The following UCK2 variants were observed in gnomAD, a reference collection of about 807,000 sequenced individuals.
UCK2 encodes the protein cytidine monophosphokinase 2.
A neutral mutation model predicts 30.8 loss-of-function variants in UCK2; 6 were observed. The observed-to-expected ratio is 0.19, with a 90% CI of 0.11 to 0.38. UCK2 has a LOEUF of 0.38. Ranked by LOEUF, UCK2 falls within the 10% of genes least tolerant of loss-of-function variation. UCK2 has a pLI of 1.00. For missense variants in UCK2, 210 were observed against 339.8 expected, an observed-to-expected ratio of 0.62 and a Z score of 3.00; for synonymous variants, 125 against 133.6, an observed-to-expected ratio of 0.94 and a Z score of 0.45.
At chr1:165,828,024 A>G (rs1289373904) in intron 1 of UCK2, 92 bp downstream of exon 1, 1 of 1,023,498 alleles carries the variant, frequency 9.8e-7, no homozygotes, top group East Asian at 3.9e-5. Context: ...CAGTTGCGGC[A>G]GCCACCGCGT....
At chr1:165,904,549 C>A (rs77919696) in intron 5 of UCK2, among the ~76,000 whole-genome samples, 2 of 152,224 alleles carry the variant, frequency 1.3e-5, no homozygotes, top group Admixed American at 1.3e-4. Context: ...CAGTTTTCTA[C>A]GTTTAACTTA....
intron 1 of UCK2, among the ~76,000 whole-genome samples, chr1:165,840,673 T>C (rs1219269557): frequency 6.6e-6 from 1 of 152,206 alleles, no homozygotes; most frequent in Non-Finnish European, 1.5e-5. Context: ...AGTCAGATAT[T>C]GGGCACCCTC....
chr1:165,900,521 A>G (rs1026261592), intron 4 of UCK2: 1 of 152,246 alleles, frequency 6.6e-6, no homozygotes, highest in African/African-American at 2.4e-5. Flanking sequence ...AACAAGAAGC[A>G]GCTTTTGGGC....
At chr1:165,829,509 C>A (rs534872037) in intron 1 of UCK2, among the ~76,000 whole-genome samples, 3 of 152,208 alleles carry the variant, frequency 2.0e-5, no homozygotes, top group African/African-American at 4.8e-5. Flanking sequence ...GAAGTCCAGT[C>A]CTCCTAAAGT....
chr1:165,838,698 G>T (rs1654255285), intron 1 of UCK2, among the ~76,000 whole-genome samples: 1 of 151,850 alleles, frequency 6.6e-6, no homozygotes, highest in Non-Finnish European at 1.5e-5. Context: ...CAGTCACTGA[G>T]CTTGGTCTTG....
At chr1:165,851,653 TA>T (rs1654598986) in intron 1 of UCK2, among the ~76,000 whole-genome samples, 1 of 152,092 alleles carries the variant, frequency 6.6e-6, no homozygotes, top group Admixed American at 6.5e-5. Flanking sequence ...AAAAATGGGA[TA>T]CATGTGCAGA....
At chr1:165,857,704 C>T (rs1654783803) in intron 1 of UCK2, among the ~76,000 whole-genome samples, 1 of 152,224 alleles carries the variant, frequency 6.6e-6, no homozygotes, top group African/African-American at 2.4e-5. Flanking sequence ...TGAGGCTTGA[C>T]AGCCCTGTGT....
chr1:165,836,377 A>G (rs1272226574), intron 1 of UCK2, among the ~76,000 whole-genome samples: 1 of 152,230 alleles, frequency 6.6e-6, no homozygotes, highest in Non-Finnish European at 1.5e-5. Context: ...AAGATTTTTC[A>G]TTTGTATAGA....
chr1:165,887,576 G>A (rs1035020845), intron 1 of UCK2, among the ~76,000 whole-genome samples: 2 of 151,908 alleles, frequency 1.3e-5, no homozygotes, highest in African/African-American at 4.8e-5. Context: ...ATTTGGCTTC[G>A]TGAATCACTT....
chr1:165,875,627 T>C (rs1471256916), intron 1 of UCK2, among the ~76,000 whole-genome samples: 1 of 152,180 alleles, frequency 6.6e-6, no homozygotes. Context: ...AAGTCGAGGT[T>C]CCCATAACCC....
In UCK2 at chr1:165,903,188, G is replaced by C; in HGVS notation, c.506G>C (p.Arg169Thr). 6.2e-7 allele frequency: 1 copy of C among 1,613,704 alleles called. No homozygotes were observed. Among genetic ancestry groups the C allele is most frequent in the Non-Finnish European group, 8.5e-7 (1 of 1,179,752 alleles). ...GTTTTCCCTTCTCTTACAGTATTAA[G>C]GGACATCAGCGAGAGAGGCAGGGAT... ...ADTRLSRRVL[R>T]DISERGRDLE... The change falls in exon 5 of 7, where the codon AGG becomes ACG. Residue 169 changes from arginine (R) to threonine (T), a missense_variant. Coordinates refer to ENST00000367879, the MANE Select transcript of UCK2 (RefSeq NM_012474.5).
At chr1:165,838,679 G>A (rs1299793368) in intron 1 of UCK2, among the ~76,000 whole-genome samples, 1 of 151,880 alleles carries the variant, frequency 6.6e-6, no homozygotes, top group African/African-American at 2.4e-5. Context: ...AAGATTGCTG[G>A]CACATTGTCA....
intron 1 of UCK2, among the ~76,000 whole-genome samples, chr1:165,881,353 GT>G (rs879446220): frequency 1.3e-5 from 2 of 151,448 alleles, no homozygotes; most frequent in African/African-American, 4.9e-5. Flanking sequence ...CTTACTCAGG[GT>G]TTTTTTTTGT....
chr1:165,889,862 GC>G (rs1040087247), intron 1 of UCK2, among the ~76,000 whole-genome samples: 17 of 151,688 alleles, frequency 1.1e-4, no homozygotes, highest in African/African-American at 4.1e-4. Flanking sequence ...CCTCCAGCAG[GC>G]CCCAGTGTGT....
Position 165,891,284 on chromosome 1 carries a change from A to G in UCK2, c.318A>G (p.Thr106=), listed in dbSNP as rs893282299. The part of the protein sequence containing the change: ...KTLKEITEGK[T]VQIPVYDFVS... ...TCAAAGAAATCACTGAAGGGAAAAC[A>G]GTCCAGATCCCCGTGTATGACTTTG... is the stretch of plus-strand genomic sequence containing the variant. The change falls in exon 3 of 7, where the codon ACA becomes ACG. Residue 106 remains threonine (T), a synonymous_variant. Coordinates refer to ENST00000367879, the MANE Select transcript of UCK2 (RefSeq NM_012474.5). 3 of 1,614,242 alleles carry G rather than the reference A, an allele frequency of 1.9e-6. No homozygotes were observed. In the Middle Eastern group the frequency reaches 4.9e-4, roughly 266 times the overall value.
At chr1:165,891,128 A>G (rs1328197803) in intron 2 of UCK2, 98 bp from the exon 3 acceptor site, 3 of 1,040,732 alleles carry the variant, frequency 2.9e-6, no homozygotes, top group East Asian at 5.2e-5. Flanking sequence ...TTAAAGTGTG[A>G]TGTGCCCATA....
At chr1:165,888,332 G>T (rs1489334079) in intron 1 of UCK2, among the ~76,000 whole-genome samples, 1 of 151,544 alleles carries the variant, frequency 6.6e-6, no homozygotes, top group South Asian at 2.1e-4. Flanking sequence ...TCACTCTGTT[G>T]CCCAGGTTGG....
Position 165,854,596 on chromosome 1 carries a change from T to A in UCK2, c.99+26664T>A, listed in dbSNP as rs964236015. On this transcript the variant is annotated intron_variant, in intron 1 of 6. Coordinates refer to ENST00000367879, the MANE Select transcript of UCK2 (RefSeq NM_012474.5). ...ACATTGCTAACTAGGCTTCCTTTTTTAAAAATAAATAAATAAATAAATAAA... is the reference window on the plus strand; with the variant it reads ...ACATTGCTAACTAGGCTTCCTTTTTAAAAAATAAATAAATAAATAAATAAA... 1.1e-4 allele frequency among the ~76,000 whole-genome samples: 13 copies of A among 120,342 alleles called. No individual in the cohort carries two copies. In the East Asian group the frequency reaches 2.1e-3, roughly 20 times the overall value. 78.9% of individuals were successfully genotyped at this position (120,342 alleles called of 152,430 possible).
At chr1:165,906,168 G>A (rs947707004) in intron 6 of UCK2, among the ~76,000 whole-genome samples, 199 bp downstream of exon 6, 28 of 152,104 alleles carry the variant, frequency 1.8e-4, no homozygotes, top group Admixed American at 1.5e-3. Context: ...CATGTGTTAC[G>A]GGGACAGACA....
Sources: gnomAD v4.1 joint callset for allele counts (sites outside exome capture counted in the v4.1 genomes callset) on GRCh38, gnomAD v4.1.1 for gene constraint, MANE v1.5 for transcripts, NCBI Gene and HGNC (gene_info 2026-07-23, HGNC 2026-07-21) for gene names.